Variants in PLXNC1 observed in about 807,000 individuals in gnomAD.
The protein encoded by PLXNC1 is plexin-C1.
A neutral mutation model predicts 178.2 loss-of-function variants in PLXNC1; 75 were observed. The observed-to-expected ratio is 0.42, with a 90% CI of 0.35 to 0.51. The LOEUF (loss-of-function observed/expected upper bound fraction) is 0.51, where lower values mean the gene tolerates loss of function less well. PLXNC1 is among the 20% of genes least tolerant of loss of function. The probability of loss-of-function intolerance (pLI) is 0.02; values close to 1 mark genes in which losing one functional copy is unlikely to be tolerated. For missense variants in PLXNC1, 1,503 were observed against 1,984.4 expected (o/e 0.76, Z 4.61); for synonymous variants, 790 against 779.9 (o/e 1.01, Z -0.22).
intron 7 of PLXNC1, 64 bp downstream of exon 7, chr12:94,224,379 C>A: frequency 1.1e-6 from 1 of 921,632 alleles, no homozygotes; most frequent in Non-Finnish European, 1.8e-6. Flanking sequence ...TTGTTTGACT[C>A]CTCGATTTCC....
At chr12:94,272,733 A>G (rs1965652113) in intron 21 of PLXNC1, among the ~76,000 whole-genome samples, 1 of 152,238 alleles carries the variant, frequency 6.6e-6, no homozygotes, top group Non-Finnish European at 1.5e-5. Context: ...TGGCAGCAGC[A>G]GAGGCTGGGA....
intron 9 of PLXNC1, among the ~76,000 whole-genome samples, chr12:94,231,189 T>C (rs543277124): frequency 6.6e-6 from 1 of 152,260 alleles, no homozygotes; most frequent in East Asian, 1.9e-4. Context: ...GATTGATGGA[T>C]GGATTGATTG....
chr12:94,246,707 G>A (rs1565828418), intron 12 of PLXNC1, among the ~76,000 whole-genome samples: 3 of 152,316 alleles, frequency 2.0e-5, no homozygotes. Context: ...AGTTAAGGCT[G>A]CTGAGGCAGT....
At chr12:94,154,705 A>C (rs560822504) in intron 1 of PLXNC1, among the ~76,000 whole-genome samples, 1 of 152,362 alleles carries the variant, frequency 6.6e-6, no homozygotes, top group East Asian at 1.9e-4. Flanking sequence ...ATAGGATAGC[A>C]GAGAATCCTT....
chr12:94,153,412 T>C (rs1406460795), intron 1 of PLXNC1, among the ~76,000 whole-genome samples: 1 of 152,254 alleles, frequency 6.6e-6, no homozygotes, highest in African/African-American at 2.4e-5. Context: ...TTTCCTTTTT[T>C]TCATTCTTTT....
chr12:94,170,606 C>T (rs921050594), intron 2 of PLXNC1, among the ~76,000 whole-genome samples: 6 of 152,080 alleles, frequency 3.9e-5, no homozygotes, highest in Non-Finnish European at 8.8e-5. Context: ...TTCCAAATGT[C>T]TTGCCTGGAG....
Position 94,169,255 on chromosome 12 carries a change from GT to G in PLXNC1, c.1169del (p.Leu390TyrfsTer19), listed in dbSNP as rs1565790475. On this transcript the variant is annotated frameshift_variant, in exon 2 of 31. Coordinates refer to ENST00000258526, the MANE Select transcript of PLXNC1 (RefSeq NM_005761.3). LOFTEE classifies it high-confidence loss of function. Reference protein sequence around the residue: ...VYGTVVMNRTVLFLGTGDGQL... With the variant: ...VYGTVVMNRTXLFLGTGDGQL... ...TGGCACCGTGGTAATGAACAGGACT[GT>G]TTTATTCTTGGGGACTGGAGATGGC... 6.2e-7 allele frequency: 1 copy of G among 1,614,038 alleles called. No homozygotes were observed. The highest frequency in any genetic ancestry group is 8.5e-7 in the Non-Finnish European group (1 of 1,179,912).
rs1382331598 is a variant in PLXNC1 at position 94,305,234 on chromosome 12, C to T, written c.4656C>T (p.Leu1552=). ...ERGLEEAQKQ[L]LHVKVLFDEK... ...GGCTGGAAGAAGCTCAGAAACAACT[C>T]TTGCATGTAAAAGTCTTATTTGATG... Residue 1552 remains leucine, a synonymous_variant, in exon 31 of 31, where the codon CTC becomes CTT. Coordinates refer to ENST00000258526, the MANE Select transcript of PLXNC1 (RefSeq NM_005761.3). 1 of 1,611,604 alleles carries T rather than the reference C, an allele frequency of 6.2e-7. No homozygotes were observed. The highest frequency in any genetic ancestry group is 2.2e-5 in the East Asian group (1 of 44,662).
At chr12:94,299,679 C>CT (rs1968273788) in intron 27 of PLXNC1, among the ~76,000 whole-genome samples, 1 of 152,150 alleles carries the variant, frequency 6.6e-6, no homozygotes, top group South Asian at 2.1e-4. Flanking sequence ...CCCACCTCAG[C>CT]TTCCCAAGTA....
In PLXNC1 at chr12:94,248,270, T is replaced by C; in HGVS notation, c.2636T>C (p.Ile879Thr). The C allele has an allele frequency of 6.2e-7, 1 of 1,611,190 alleles. No homozygotes were observed. ...AACATTTCCAAAAAAGACATTGAAA[T>C]TACTCTCTTCCATGGGGAAAATGGG... ...NFNISKKDIE[I>T]TLFHGENGQL... The change falls in exon 14 of 31, where the codon ATT (isoleucine) becomes ACT (threonine). Residue 879 changes from isoleucine to threonine, a missense_variant. Physicochemically the swap from Ile to Thr is moderately conservative, Grantham distance 89. Transcript: ENST00000258526.
chr12:94,150,662 G>A (rs991275768), intron 1 of PLXNC1, among the ~76,000 whole-genome samples: 23 of 152,250 alleles, frequency 1.5e-4, no homozygotes, highest in African/African-American at 5.3e-4. Context: ...GAGCCGGTGC[G>A]AGGGGGCGGT....
intron 22 of PLXNC1, among the ~76,000 whole-genome samples, chr12:94,281,427 C>T (rs1966431726): frequency 6.6e-6 from 1 of 152,188 alleles, no homozygotes; most frequent in Non-Finnish European, 1.5e-5. Context: ...CTACAGAAAG[C>T]AGTGGAGCTT....
chr12:94,275,672 T>TCTCA (rs1965883895), intron 21 of PLXNC1, among the ~76,000 whole-genome samples: 1 of 133,582 alleles, frequency 7.5e-6, no homozygotes, highest in African/African-American at 2.9e-5. Flanking sequence ...GCTAAAACGG[T>TCTCA]GAAACCCCGT....
chr12:94,298,920 G>A, intron 27 of PLXNC1, 125 bp downstream of exon 27: 1 of 887,642 alleles, frequency 1.1e-6, no homozygotes, highest in Non-Finnish European at 1.7e-6. Context: ...GGCTTGGTAA[G>A]CTATCATGTC....
Position 94,220,252 on chromosome 12 carries a change from G to A in PLXNC1, c.1702+89G>A, listed in dbSNP as rs1445345791. ...TTAGTTTGCCCAAGGAATATGAATAGTTCCCCCTCTGTAGACTCACTCCCT... is the reference window on the plus strand; with the variant it reads ...TTAGTTTGCCCAAGGAATATGAATAATTCCCCCTCTGTAGACTCACTCCCT... On this transcript the variant is annotated intron_variant, in intron 6 of 30. Coordinates refer to ENST00000258526, the MANE Select transcript of PLXNC1 (RefSeq NM_005761.3). The A allele has an allele frequency of 8.4e-6, 11 of 1,302,224 alleles. No individual in the cohort carries two copies. In the Admixed American group the frequency reaches 2.1e-4, roughly 25 times the overall value. 80.7% of individuals were successfully genotyped at this position (1,302,224 alleles called of 1,614,324 possible).
At chr12:94,157,216 A>G (rs866013391) in intron 1 of PLXNC1, among the ~76,000 whole-genome samples, 3 of 152,152 alleles carry the variant, frequency 2.0e-5, no homozygotes, top group Non-Finnish European at 2.9e-5. Flanking sequence ...CAAACATGCA[A>G]TTGTCCCCAG....
chr12:94,286,616 CAAAAAA>C (rs61238982), intron 23 of PLXNC1, among the ~76,000 whole-genome samples: 26 of 101,406 alleles, frequency 2.6e-4, no homozygotes, highest in South Asian at 3.7e-4. Context: ...TGCTTAAAAG[CAAAAAA>C]AAAAAAAAAA....
intron 21 of PLXNC1, among the ~76,000 whole-genome samples, chr12:94,270,561 G>T (rs1965508931): frequency 6.6e-6 from 1 of 152,044 alleles, no homozygotes; most frequent in African/African-American, 2.4e-5. Flanking sequence ...TGAAACTCAT[G>T]GGGCTCTTTG....
chr12:94,151,188 G>A (rs1592712815), intron 1 of PLXNC1, among the ~76,000 whole-genome samples: 1 of 152,252 alleles, frequency 6.6e-6, no homozygotes, highest in East Asian at 1.9e-4. Context: ...AGAAGTCACT[G>A]CTTGGAAAAT....
Sources: gnomAD v4.1 joint callset for allele counts (sites outside exome capture counted in the v4.1 genomes callset) on GRCh38, gnomAD v4.1.1 for gene constraint, MANE v1.5 for transcripts, NCBI Gene and HGNC (gene_info 2026-07-23, HGNC 2026-07-21) for gene names.